The following USP22 variants were observed in gnomAD, a reference collection of about 807,000 sequenced individuals.
USP22 encodes the protein ubiquitin specific peptidase 22.
USP22 carries 22 observed loss-of-function variants against 68.1 expected under a neutral mutation model. The ratio of observed to expected loss-of-function variants is 0.32; its 90% CI spans 0.23 to 0.46. The LOEUF (loss-of-function observed/expected upper bound fraction) is 0.46, where lower values mean the gene tolerates loss of function less well. Among genes scored for constraint, USP22 ranks in the 20% least tolerant of loss-of-function variants. The probability of loss-of-function intolerance (pLI) is 1.00; values close to 1 mark genes in which losing one functional copy is unlikely to be tolerated. For missense variants in USP22, 433 were observed against 695.8 expected (o/e 0.62, Z 4.25); for synonymous variants, 279 against 274.2 (o/e 1.02, Z -0.17).
intron 8 of USP22, among the ~76,000 whole-genome samples, chr17:21,010,429 C>T (rs755975462): frequency 1.1e-4 from 17 of 152,006 alleles, no homozygotes; most frequent in Non-Finnish European, 1.9e-4. Context: ...TGCCTGTGAG[C>T]ACTTTGGGAG....
Position 21,042,948 on chromosome 17 carries a change from C to G in USP22, c.-113G>C, listed in dbSNP as rs893669154. On this transcript the variant is annotated 5_prime_UTR_variant, in exon 1 of 13. Coordinates refer to ENST00000261497, the MANE Select transcript of USP22 (RefSeq NM_015276.2). ...GCCAGGCTGGCCAAGGCCCGGGCGCCGAGAACAAAGCGCGGAGGCCGGACA... is the reference window on the plus strand; with the variant it reads ...GCCAGGCTGGCCAAGGCCCGGGCGCGGAGAACAAAGCGCGGAGGCCGGACA... The G allele has an allele frequency of 1.5e-5, 10 of 665,830 alleles. No individual in the cohort carries two copies. Among genetic ancestry groups the G allele is most frequent in the Non-Finnish European group, 2.1e-5 (10 of 484,884 alleles). The allele number at this position is 665,830 out of a possible 1,614,324, so 41.2% of individuals were successfully genotyped here.
intron 10 of USP22, among the ~76,000 whole-genome samples, chr17:21,005,731 C>T (rs976806886): frequency 2.0e-5 from 3 of 152,214 alleles, no homozygotes; most frequent in Non-Finnish European, 4.4e-5. Flanking sequence ...ATGCTTTCCA[C>T]GGTGCTGGGG....
chr17:21,004,785 AGCCAATAGTGGAGCTGCGGG>A lies in USP22; in HGVS notation c.1385+123_1385+142del. ...GGCCTTTCCTAGTGGAGCTGCGGGCAGCCAATAGTGGAGCTGCGGGCAGCCAAGCGGGAAGCAGGTCAGTG... is the reference window on the plus strand; with the variant it reads ...GGCCTTTCCTAGTGGAGCTGCGGGCACAGCCAAGCGGGAAGCAGGTCAGTG... On this transcript the variant is annotated intron_variant, in intron 11 of 12. Transcript: ENST00000261497. 2.4e-5 allele frequency: 2 copies of A among 84,948 alleles called. 1 individual carries two copies. The highest frequency in any genetic ancestry group is 6.8e-5 in the Non-Finnish European group (2 of 29,282). 5.3% of individuals were successfully genotyped at this position (84,948 alleles called of 1,614,324 possible). A position where few individuals can be genotyped will look rare whatever the true frequency, so the allele number is the denominator to read the frequency against.
rs1567790322 is a variant in USP22 at position 21,008,010 on chromosome 17, A to G, written c.1104-14T>C. On this transcript the variant is annotated splice_polypyrimidine_tract_variant and intron_variant, in intron 8 of 12. Transcript: ENST00000261497. The stretch of plus-strand genomic sequence containing the variant: ...GGTCTGGTGAATCTACAGGCGTTCA[A>G]AAAAGACAGGAGCGGTAAGGGAGAT... 1 of 1,613,238 alleles carries G rather than the reference A, an allele frequency of 6.2e-7. No homozygotes were observed. The highest frequency in any genetic ancestry group is 2.2e-5 in the East Asian group (1 of 44,860).
chr17:21,042,914 C>T lies in USP22; in HGVS notation c.-79G>A, dbSNP rs931217369. On this transcript the variant is annotated 5_prime_UTR_variant, in exon 1 of 13. Coordinates refer to ENST00000261497, the MANE Select transcript of USP22 (RefSeq NM_015276.2). ...ACGCCAGCGCGGCGTGGGGGCTGCT[C>T]GGCGGCTGGCCAGGCTGGCCAAGGC... 3.0e-6 allele frequency: 3 copies of T among 1,013,890 alleles called. No individual in the cohort carries two copies. Among genetic ancestry groups the T allele is most frequent in the Non-Finnish European group, 3.8e-6 (3 of 797,862 alleles). 62.8% of individuals were successfully genotyped at this position (1,013,890 alleles called of 1,614,324 possible).
In USP22 at chr17:21,021,120, T is replaced by C. The variant is rs2143584738; in HGVS notation, c.411A>G (p.Lys137=). The part of the protein sequence containing the change: ...IAKEEQRKAW[K]MQGVGEKFST... ...ACTGAGGTGGAACCAAACCTTGCAT[T>C]TTCCAAGCTTTTCGCTGCTCCTCCT... Residue 137 remains lysine, a synonymous_variant, in exon 3 of 13, where the codon AAA becomes AAG. Transcript: ENST00000261497. 6.2e-7 allele frequency: 1 copy of C among 1,613,918 alleles called. No individual in the cohort carries two copies. Among genetic ancestry groups the C allele is most frequent in the African/African-American group, 1.3e-5 (1 of 75,042 alleles).
In USP22 at chr17:21,006,900, A is replaced by T; in HGVS notation, c.1318T>A (p.Ser440Thr). The T allele has an allele frequency of 1.2e-6, 2 of 1,604,286 alleles. No individual in the cohort carries two copies. The highest frequency in any genetic ancestry group is 8.5e-7 in the Non-Finnish European group (1 of 1,175,036). The change falls in exon 10 of 13, where the codon TCC becomes ACC. Residue 440 changes from serine (S) to threonine (T), a missense_variant. This residue lies in a region of USP22 where 178 missense variants were observed against 351.5 expected (regional missense o/e 0.51). Coordinates refer to ENST00000261497, the MANE Select transcript of USP22 (RefSeq NM_015276.2). The part of the protein sequence containing the change: ...LELDMTPFMA[S>T]SKESRMNGQY... ...CGGGCCTACAACCCCACATACCTGG[A>T]GGCCATGAAAGGGGTCATGTCCAGC...
intron 9 of USP22, 103 bp from the exon 10 acceptor site, chr17:21,007,090 T>C: frequency 9.7e-7 from 1 of 1,029,942 alleles, no homozygotes; most frequent in South Asian, 1.7e-5. Context: ...TGTTATCTCT[T>C]TTGTATTTTA....
At chr17:21,009,960 A>AAAAAAAAAAATT (rs1913899294) in intron 8 of USP22, among the ~76,000 whole-genome samples, 6 of 137,634 alleles carry the variant, frequency 4.4e-5, no homozygotes, top group Admixed American at 2.3e-4. Flanking sequence ...CTCCGTCTCA[A>AAAAAAAAAAATT]AAAAAAAAAA....
In USP22 at chr17:21,004,789, AATAGTGGAG is replaced by A; in HGVS notation, c.1385+130_1385+138del. ...TTTCCTAGTGGAGCTGCGGGCAGCC[AATAGTGGAG>A]CTGCGGGCAGCCAAGCGGGAAGCAG... On this transcript the variant is annotated intron_variant, in intron 11 of 12. Coordinates refer to ENST00000261497, the MANE Select transcript of USP22 (RefSeq NM_015276.2). The A allele has an allele frequency of 8.9e-4, 78 of 88,078 alleles. 23 individuals are homozygous for A. Among genetic ancestry groups the A allele is most frequent in the South Asian group, 3.8e-3 (8 of 2,098 alleles). The allele number at this position is 88,078 out of a possible 1,614,324, so 5.5% of individuals were successfully genotyped here.
chr17:21,028,810 C>T, intron 1 of USP22, 136 bp from the exon 2 acceptor site: 3 of 1,131,264 alleles, frequency 2.7e-6, no homozygotes, highest in South Asian at 3.2e-5. Flanking sequence ...AGGCTTACTA[C>T]TCTAGAGGAT....
At chr17:21,028,433 A>T in intron 2 of USP22, 109 bp downstream of exon 2, 2 of 1,518,998 alleles carry the variant, frequency 1.3e-6, no homozygotes, top group Non-Finnish European at 1.8e-6. Flanking sequence ...GCATTACTTG[A>T]GACAAACGAC....
chr17:21,007,683 C>T (rs1343638171), intron 9 of USP22, among the ~76,000 whole-genome samples, 187 bp downstream of exon 9: 1 of 152,140 alleles, frequency 6.6e-6, no homozygotes, highest in Non-Finnish European at 1.5e-5. Flanking sequence ...TTTTGTTTAC[C>T]GCAGCACAGA....
chr17:21,011,370 C>A, intron 7 of USP22, 61 bp from the exon 8 acceptor site: 1 of 1,544,292 alleles, frequency 6.5e-7, no homozygotes, highest in Non-Finnish European at 8.8e-7. Flanking sequence ...CCAGAGGCAA[C>A]CCGGGGTGGA....
Position 21,021,298 on chromosome 17 carries a change from T to TA in USP22, c.305-73dup, listed in dbSNP as rs914592608. 2.5e-5 allele frequency: 26 copies of TA among 1,037,708 alleles called. No homozygotes were observed. The African/African-American group carries it at 3.7e-4, about 15-fold the overall frequency. The allele number at this position is 1,037,708 out of a possible 1,614,324, so 64.3% of individuals were successfully genotyped here. On this transcript the variant is annotated intron_variant, in intron 2 of 12. Transcript: ENST00000261497. ...ACAATGGAAGGCTGGAGGGCAGAGTTAAACACAGTGAGGTTCTGTAGATAC... is the reference window on the plus strand; with the variant it reads ...ACAATGGAAGGCTGGAGGGCAGAGTTAAAACACAGTGAGGTTCTGTAGATAC...
chr17:21,014,023 G>C (rs1263778741), intron 6 of USP22, among the ~76,000 whole-genome samples: 1 of 152,228 alleles, frequency 6.6e-6, no homozygotes, highest in Non-Finnish European at 1.5e-5. Context: ...GCAGTGAGCT[G>C]AGATCGCACC....
intron 2 of USP22, among the ~76,000 whole-genome samples, chr17:21,023,947 A>C (rs1323819625): frequency 6.6e-6 from 1 of 152,192 alleles, no homozygotes; most frequent in African/African-American, 2.4e-5. Flanking sequence ...GGAACACCAC[A>C]GTTTTATTCT....
intron 1 of USP22, 85 bp downstream of exon 1, chr17:21,042,580 G>T: frequency 8.2e-7 from 1 of 1,226,062 alleles, no homozygotes; most frequent in South Asian, 2.8e-5. Flanking sequence ...GAAGGGAAGA[G>T]GGCAGGAAAA....
At chr17:21,024,960 T>C (rs1597697216) in intron 2 of USP22, among the ~76,000 whole-genome samples, 1 of 152,052 alleles carries the variant, frequency 6.6e-6, no homozygotes, top group South Asian at 2.1e-4. Context: ...CAGAGGGAGA[T>C]AGTGTCTTGA....
Sources: gnomAD v4.1 joint callset for allele counts (sites outside exome capture counted in the v4.1 genomes callset) on GRCh38, gnomAD v4.1.1 for gene constraint, gnomAD v4.1.1 regional missense constraint, MANE v1.5 for transcripts, NCBI Gene and HGNC (gene_info 2026-07-23, HGNC 2026-07-21) for gene names.